The following PCDHGA5 variants were observed in gnomAD, a reference collection of about 807,000 sequenced individuals.
The protein encoded by PCDHGA5 is protocadherin gamma subfamily A, 5, also known as protocadherin gamma-A5.
Under a neutral mutation model 56.7 loss-of-function variants are expected in PCDHGA5, and 36 were observed. The observed-to-expected ratio is 0.64, with a 90% CI of 0.49 to 0.84. The LOEUF (loss-of-function observed/expected upper bound fraction) is 0.84, where lower values mean the gene tolerates loss of function less well. Ranked by LOEUF, PCDHGA5 falls within the 40% of genes least tolerant of loss-of-function variation. The pLI is 0.00. For missense variants in PCDHGA5, 1,305 were observed against 1,201.5 expected (o/e 1.09, Z -1.27); for synonymous variants, 563 against 520.2 (o/e 1.08, Z -1.12).
intron 3 of PCDHGA5, among the ~76,000 whole-genome samples, chr5:141,505,729 G>A (rs1026403192): frequency 7.9e-5 from 12 of 152,286 alleles, no homozygotes; most frequent in African/African-American, 2.9e-4. Flanking sequence ...AGGGAATAGT[G>A]GTTACAAGTC....
At chr5:141,390,486 G>A (rs1348752991) in intron 1 of PCDHGA5, 3 of 649,258 alleles carry the variant, frequency 4.6e-6, no homozygotes, top group Non-Finnish European at 7.7e-6. Context: ...ACATTTGTTT[G>A]TTTTTTAGCC....
At chr5:141,399,562 T>TTGAACGGCCAAGTCTCCTACTCTATCA in intron 1 of PCDHGA5, 1 of 1,614,016 alleles carries the variant, frequency 6.2e-7, no homozygotes, top group Non-Finnish European at 8.5e-7. Context: ...GGACTTGGGG[T>TTGAACGGCCAAGTCTCCTACTCTATCA]TGAACGGCCA....
intron 2 of PCDHGA5, among the ~76,000 whole-genome samples, chr5:141,497,541 T>A (rs1157403777): frequency 1.1e-5 from 1 of 89,566 alleles, no homozygotes; most frequent in Admixed American, 1.2e-4. Context: ...GCAACAAACC[T>A]TTTTTTTTTT....
Position 141,413,313 on chromosome 5 carries a change from C to T in PCDHGA5, c.2421+46562C>T, listed in dbSNP as rs1346034749. The T allele has an allele frequency of 1.9e-6, 3 of 1,613,842 alleles. No homozygotes were observed. The African/African-American group carries it at 4.0e-5, about 22-fold the overall frequency. On this transcript the variant is annotated intron_variant, in intron 1 of 3. Transcript: ENST00000518069. The stretch of plus-strand genomic sequence containing the variant: ...CAATTCCTGAGGAATTAGAGAAAGG[C>T]TCTTTCGTGGGCAACATCTCCAAGG...
intron 2 of PCDHGA5, among the ~76,000 whole-genome samples, chr5:141,501,061 G>T (rs746369272): frequency 1.5e-4 from 23 of 152,118 alleles, no homozygotes; most frequent in Non-Finnish European, 2.1e-4. Flanking sequence ...TAGAGACGGG[G>T]TTTCACCATG....
intron 1 of PCDHGA5, among the ~76,000 whole-genome samples, chr5:141,373,570 G>C (rs1011552232): frequency 1.3e-5 from 2 of 152,200 alleles, no homozygotes; most frequent in Non-Finnish European, 1.5e-5. Context: ...AATGGGACTA[G>C]CATAAATGGT....
At chr5:141,418,405 G>T in intron 1 of PCDHGA5, 1 of 1,614,020 alleles carries the variant, frequency 6.2e-7, no homozygotes, top group African/African-American at 1.3e-5. Context: ...CATTGGTGGA[G>T]AAAGACAATC....
chr5:141,394,493 C>T (rs749651115), intron 1 of PCDHGA5: 2 of 1,614,222 alleles, frequency 1.2e-6, no homozygotes, highest in Non-Finnish European at 1.7e-6. Flanking sequence ...ACAACGCGCC[C>T]GAGATCCTGT....
chr5:141,465,918 C>T lies in PCDHGA5; in HGVS notation c.2422-28889C>T, dbSNP rs34980831. On this transcript the variant is annotated intron_variant, in intron 1 of 3. Transcript: ENST00000518069. ...CGGGCAAATCACGAGGTCAGGATTT[C>T]GAGTCCATCCTGGCTAACATGGTGA... 2.0e-3 allele frequency among the ~76,000 whole-genome samples: 307 copies of T among 152,144 alleles called. 1 individual carries two copies. Among genetic ancestry groups the T allele is most frequent in the Middle Eastern group, 0.01 (3 of 294 alleles).
At chr5:141,386,520 G>A (rs976508801) in intron 1 of PCDHGA5, among the ~76,000 whole-genome samples, 1 of 144 alleles carries the variant, frequency 6.9e-3, no homozygotes, top group South Asian at 0.5. Context: ...TTCAAAAAAA[G>A]ACTCTTTTTA....
chr5:141,489,707 G>A lies in PCDHGA5; in HGVS notation c.2422-5100G>A. 6.2e-7 allele frequency: 1 copy of A among 1,614,194 alleles called. No individual in the cohort carries two copies. Among genetic ancestry groups the A allele is most frequent in the Non-Finnish European group, 8.5e-7 (1 of 1,180,022 alleles). The stretch of plus-strand genomic sequence containing the variant: ...TCTGGGGCACGATTCCCACTGGACA[G>A]TGCCCAGGATCCGGATGTGGGCACC... On this transcript the variant is annotated intron_variant, in intron 1 of 3. Transcript: ENST00000518069. The surrounding 1 kb of genome is among the most constrained non-coding windows in gnomAD (Gnocchi z 4.5).
In PCDHGA5 at chr5:141,453,631, T is replaced by C. The variant is rs114710858; in HGVS notation, c.2422-41176T>C. On this transcript the variant is annotated intron_variant, in intron 1 of 3. Transcript: ENST00000518069. ...AACGCAAAAACAAAACCTATACATATTTATATTTTCTTATGTCCTCTTCTT... is the reference window on the plus strand; with the variant it reads ...AACGCAAAAACAAAACCTATACATACTTATATTTTCTTATGTCCTCTTCTT... Among the ~76,000 whole-genome samples the C allele has an allele frequency of 8.2e-3, 1,249 of 152,332 alleles. 7 individuals are homozygous for C. Among genetic ancestry groups the C allele is most frequent in the Non-Finnish European group, 0.013 (893 of 68,030 alleles).
chr5:141,453,364 G>A (rs921978865), intron 1 of PCDHGA5, among the ~76,000 whole-genome samples: 4 of 151,814 alleles, frequency 2.6e-5, no homozygotes, highest in African/African-American at 9.7e-5. Flanking sequence ...GAACTCCTGG[G>A]GTCAAGTGAT....
chr5:141,418,419 A>G (rs1181055959), intron 1 of PCDHGA5: 1 of 1,613,900 alleles, frequency 6.2e-7, no homozygotes, highest in Non-Finnish European at 8.5e-7. Flanking sequence ...GACAATCCTG[A>G]TGGTGGCAAA....
intron 1 of PCDHGA5, chr5:141,389,060 A>G (rs1164665785): frequency 3.7e-6 from 6 of 1,614,010 alleles, no homozygotes; most frequent in Non-Finnish European, 4.2e-6. Context: ...CATTTAAAAT[A>G]TTAACTTCTT....
At chr5:141,439,500 TTCTC>T (rs1399113868) in intron 1 of PCDHGA5, among the ~76,000 whole-genome samples, 9 of 152,246 alleles carry the variant, frequency 5.9e-5, no homozygotes, top group Admixed American at 2.0e-4. Context: ...AGAAACGTCT[TTCTC>T]TCTGCTCTCA....
chr5:141,400,727 G>A (rs2094067426), intron 1 of PCDHGA5: 2 of 649,836 alleles, frequency 3.1e-6, no homozygotes, highest in African/African-American at 1.8e-5. Flanking sequence ...GATTTACAAA[G>A]TAGTGAGAGT....
chr5:141,436,519 C>A (rs770168763), intron 1 of PCDHGA5, among the ~76,000 whole-genome samples: 2 of 152,140 alleles, frequency 1.3e-5, no homozygotes, highest in African/African-American at 2.4e-5. Context: ...TTAACTGTGT[C>A]ACCTTTAGCA....
At chr5:141,461,131 T>G (rs1372557827) in intron 1 of PCDHGA5, among the ~76,000 whole-genome samples, 1 of 152,094 alleles carries the variant, frequency 6.6e-6, no homozygotes, top group Non-Finnish European at 1.5e-5. Flanking sequence ...TATAATTACT[T>G]ATTTTCCTTT....
Sources: allele counts gnomAD v4.1 joint callset (sites outside exome capture counted in the v4.1 genomes callset), GRCh38; gene constraint gnomAD v4.1.1; non-coding constraint Gnocchi (gnomAD v3.1); transcripts MANE v1.5; gene names NCBI Gene and HGNC (gene_info 2026-07-23, HGNC 2026-07-21).